Variants in TPD52L1 observed in about 807,000 individuals in gnomAD.
TPD52L1 encodes tumor protein D53.
In TPD52L1, 18 loss-of-function variants were observed where a neutral mutation model predicts 28.7. The ratio of observed to expected loss-of-function variants is 0.63; its 90% CI spans 0.43 to 0.93. The LOEUF is 0.93. Ranked by LOEUF, TPD52L1 falls within the 40% of genes least tolerant of loss-of-function variation. The probability of loss-of-function intolerance (pLI) is 0.00; values close to 1 mark genes in which losing one functional copy is unlikely to be tolerated. For missense variants in TPD52L1, 203 were observed against 254.8 expected (o/e 0.80, Z 1.39); for synonymous variants, 75 against 88.8 (o/e 0.84, Z 0.88).
chr6:125,220,116 G>A lies in TPD52L1; in HGVS notation c.58G>A (p.Asp20Asn). Reference sequence around the variant, plus strand: ...TGAACCGTTGCAAGGAACAGACGAAGATGCAGTAGCCAGTGCTGACTTCTC... The same window carrying A: ...TGAACCGTTGCAAGGAACAGACGAAAATGCAGTAGCCAGTGCTGACTTCTC... The part of the protein sequence containing the change: ...ETEPLQGTDE[D>N]AVASADFSSM... Residue 20 changes from aspartate to asparagine, a missense_variant, in exon 2 of 7, where the codon GAT (aspartate) becomes AAT (asparagine). Asp to Asn is a conservative substitution (Grantham distance 23). Coordinates refer to ENST00000534000, the MANE Select transcript of TPD52L1 (RefSeq NM_003287.4). The A allele has an allele frequency of 6.2e-7, 1 of 1,613,902 alleles. No individual in the cohort carries two copies. Among genetic ancestry groups the A allele is most frequent in the Non-Finnish European group, 8.5e-7 (1 of 1,179,828 alleles).
At chr6:125,228,866 T>C (rs1795775231) in intron 2 of TPD52L1, among the ~76,000 whole-genome samples, 1 of 152,168 alleles carries the variant, frequency 6.6e-6, no homozygotes, top group Non-Finnish European at 1.5e-5. Flanking sequence ...TTCTTGTTTA[T>C]GTTTTTCTGT....
chr6:125,178,161 T>A (rs1341181916), intron 1 of TPD52L1, among the ~76,000 whole-genome samples: 1 of 152,234 alleles, frequency 6.6e-6, no homozygotes, highest in Non-Finnish European at 1.5e-5. Context: ...AACGACTAGT[T>A]CTATGATTTT....
intron 6 of TPD52L1, 74 bp from the exon 7 acceptor site, chr6:125,262,760 T>G: frequency 3.3e-6 from 5 of 1,516,476 alleles, no homozygotes; most frequent in Non-Finnish European, 4.4e-6. Context: ...AATCCAGCTT[T>G]TGGTATTCTT....
chr6:125,244,856 C>A (rs145940712), intron 3 of TPD52L1, among the ~76,000 whole-genome samples: 2 of 152,302 alleles, frequency 1.3e-5, no homozygotes, highest in East Asian at 3.9e-4. Flanking sequence ...AACTTCCCAC[C>A]ACTGGAAAGA....
At chr6:125,223,700 T>G (rs1480536361) in intron 2 of TPD52L1, among the ~76,000 whole-genome samples, 1 of 118,106 alleles carries the variant, frequency 8.5e-6, no homozygotes, top group Admixed American at 9.4e-5. Context: ...CAGAGTGAGA[T>G]TCCATCTCAA....
intron 1 of TPD52L1, among the ~76,000 whole-genome samples, chr6:125,172,581 G>GTA (rs1324595339): frequency 1.6e-4 from 11 of 68,186 alleles, no homozygotes; most frequent in Non-Finnish European, 2.6e-4. Flanking sequence ...ATGAAATTAG[G>GTA]TATATATATA....
Position 125,247,281 on chromosome 6 carries a change from GT to G in TPD52L1, c.285-993del, listed in dbSNP as rs113016781. ...AGCATATGCATTTTAAGATTTGAGG[GT>G]TTTTTTTAATGTGTATAAAAATTTT... On this transcript the variant is annotated intron_variant, in intron 3 of 6. Transcript: ENST00000534000. 1.9e-3 allele frequency among the ~76,000 whole-genome samples: 283 copies of G among 151,504 alleles called. 3 individuals carry two copies. Among genetic ancestry groups the G allele is most frequent in the African/African-American group, 6.4e-3 (264 of 41,304 alleles).
chr6:125,217,442 AG>A (rs1279626969), intron 1 of TPD52L1, among the ~76,000 whole-genome samples: 3 of 152,208 alleles, frequency 2.0e-5, no homozygotes, highest in Non-Finnish European at 4.4e-5. Flanking sequence ...GATTCTCATA[AG>A]GAGCACGCAA....
chr6:125,230,599 G>C (rs1283197628), intron 3 of TPD52L1, among the ~76,000 whole-genome samples: 3 of 152,128 alleles, frequency 2.0e-5, no homozygotes, highest in African/African-American at 7.2e-5. Flanking sequence ...TTTGCCTGCT[G>C]GTTCCTAAGA....
chr6:125,177,685 T>C (rs1377368788), intron 1 of TPD52L1, among the ~76,000 whole-genome samples: 1 of 152,218 alleles, frequency 6.6e-6, no homozygotes, highest in Non-Finnish European at 1.5e-5. Flanking sequence ...TTATTTTTAA[T>C]TAAAAAGTTA....
At chr6:125,248,251 T>C in intron 3 of TPD52L1, 31 bp from the exon 4 acceptor site, 1 of 1,559,636 alleles carries the variant, frequency 6.4e-7, no homozygotes, top group Non-Finnish European at 8.8e-7. Context: ...GATCATGATA[T>C]AAAAACCATG....
At position 125,208,988 on chromosome 6, in the gene TPD52L1, G is replaced by A. The variant is rs78823927; in HGVS notation, c.20-11090G>A. On this transcript the variant is annotated intron_variant, in intron 1 of 6. Transcript: ENST00000534000. ...GTTGAGGCAAGCAATGCTGAGCACT[G>A]TCTTCAGAGTCTCAAAATCTTATCT... 1.3e-4 allele frequency: 128 copies of A among 971,544 alleles called. No homozygotes were observed. In the African/African-American group the frequency reaches 2.1e-3, roughly 16 times the overall value. 60.2% of individuals were successfully genotyped at this position (971,544 alleles called of 1,614,324 possible). A position where few individuals can be genotyped will look rare whatever the true frequency, so the allele number is the denominator to read the frequency against.
chr6:125,239,009 G>A (rs1796455410), intron 3 of TPD52L1, among the ~76,000 whole-genome samples: 2 of 152,202 alleles, frequency 1.3e-5, no homozygotes, highest in Non-Finnish European at 2.9e-5. Context: ...TGGGATTGCT[G>A]GATTGAATAG....
intron 1 of TPD52L1, among the ~76,000 whole-genome samples, chr6:125,198,844 A>C (rs1793613886): frequency 6.6e-6 from 1 of 152,202 alleles, no homozygotes; most frequent in African/African-American, 2.4e-5. Context: ...TCTAGTTGGC[A>C]GAGGCCAGAT....
At chr6:125,188,302 C>A (rs1460988689) in intron 1 of TPD52L1, among the ~76,000 whole-genome samples, 1 of 152,128 alleles carries the variant, frequency 6.6e-6, no homozygotes, top group East Asian at 1.9e-4. Flanking sequence ...GTCTTCTTCA[C>A]CTAGTAAGAG....
At chr6:125,187,595 G>A (rs1180820653) in intron 1 of TPD52L1, among the ~76,000 whole-genome samples, 1 of 152,172 alleles carries the variant, frequency 6.6e-6, no homozygotes. Flanking sequence ...TTAAAAGAAT[G>A]AATTTTAACT....
intron 3 of TPD52L1, among the ~76,000 whole-genome samples, chr6:125,245,400 T>A (rs1796866869): frequency 6.6e-6 from 1 of 152,172 alleles, no homozygotes; most frequent in Non-Finnish European, 1.5e-5. Flanking sequence ...CAGTGGGATT[T>A]AAGCTTGCAC....
chr6:125,177,353 C>G (rs1482482479), intron 1 of TPD52L1, among the ~76,000 whole-genome samples: 1 of 152,202 alleles, frequency 6.6e-6, no homozygotes, highest in African/African-American at 2.4e-5. Flanking sequence ...GATTTTTCCC[C>G]TGGAAGTCAT....
chr6:125,256,409 A>G (rs1429994959), intron 5 of TPD52L1, among the ~76,000 whole-genome samples: 1 of 152,220 alleles, frequency 6.6e-6, no homozygotes, highest in East Asian at 1.9e-4. Flanking sequence ...ACAAGTAGGT[A>G]TATCTATTTG....
Sources: allele counts gnomAD v4.1 joint callset (sites outside exome capture counted in the v4.1 genomes callset), GRCh38; gene constraint gnomAD v4.1.1; transcripts MANE v1.5; gene names NCBI Gene and HGNC (gene_info 2026-07-23, HGNC 2026-07-21).